The following ULK4 variants were observed in gnomAD, a reference collection of about 807,000 sequenced individuals.
ULK4 encodes the protein inactive serine/threonine-protein kinase ULK4.
In ULK4, 133 loss-of-function variants were observed where a neutral mutation model predicts 160.6. The observed-to-expected ratio is 0.83, with a 90% CI of 0.72 to 0.96. The LOEUF (loss-of-function observed/expected upper bound fraction) is 0.96, where lower values mean the gene tolerates loss of function less well. ULK4 is among the 40% of genes least tolerant of loss of function. The pLI is 0.00. For missense variants in ULK4, 1,580 were observed against 1,499.5 expected (o/e 1.05, Z -0.89); for synonymous variants, 534 against 539.8 (o/e 0.99, Z 0.15).
At chr3:41,729,319 ATCT>A (rs1186956437) in intron 22 of ULK4, among the ~76,000 whole-genome samples, 1 of 152,196 alleles carries the variant, frequency 6.6e-6, no homozygotes, top group Non-Finnish European at 1.5e-5. Flanking sequence ...TTGCTGAAGA[ATCT>A]CGCACTCCTC....
chr3:41,638,098 C>A (rs1419266096), intron 30 of ULK4, among the ~76,000 whole-genome samples: 1 of 151,956 alleles, frequency 6.6e-6, no homozygotes, highest in Admixed American at 6.6e-5. Context: ...AAAGATATAC[C>A]AATTTAAAAG....
intron 35 of ULK4, among the ~76,000 whole-genome samples, chr3:41,376,583 G>C (rs2081502832): frequency 6.7e-6 from 1 of 149,520 alleles, no homozygotes; most frequent in African/African-American, 2.5e-5. Context: ...ACCAATAACA[G>C]ACAAACAGAG....
chr3:41,517,703 T>C (rs1294647833), intron 32 of ULK4, among the ~76,000 whole-genome samples: 1 of 152,106 alleles, frequency 6.6e-6, no homozygotes, highest in Non-Finnish European at 1.5e-5. Context: ...GAAAGGGAGG[T>C]AATTCAGCCC....
At chr3:41,254,017 A>T (rs942788678) in intron 35 of ULK4, among the ~76,000 whole-genome samples, 7 of 152,198 alleles carry the variant, frequency 4.6e-5, no homozygotes, top group African/African-American at 1.7e-4. Flanking sequence ...ATACAACTGA[A>T]AAGGAAAACA....
intron 12 of ULK4, among the ~76,000 whole-genome samples, chr3:41,905,782 T>C (rs1425416170): frequency 2.0e-5 from 3 of 152,096 alleles, no homozygotes; most frequent in Non-Finnish European, 4.4e-5. Context: ...ACATAGAAAT[T>C]CACACCTACT....
intron 18 of ULK4, among the ~76,000 whole-genome samples, chr3:41,829,889 A>G (rs565615192): frequency 2.7e-3 from 404 of 150,260 alleles, no homozygotes; most frequent in African/African-American, 9.6e-3. Context: ...AAGACTTGGA[A>G]CCAACCCAGA....
intron 19 of ULK4, among the ~76,000 whole-genome samples, chr3:41,810,885 CATTTT>C (rs1159631828): frequency 1.3e-5 from 2 of 151,896 alleles, no homozygotes; most frequent in African/African-American, 4.8e-5. Context: ...TATTTTATTT[CATTTT>C]ATTTTATGTA....
In ULK4 at chr3:41,515,076, A is replaced by T. The variant is rs575046303; in HGVS notation, c.3226+50949T>A. 3.4e-4 allele frequency among the ~76,000 whole-genome samples: 51 copies of T among 151,904 alleles called. No homozygotes were observed. In the East Asian group the frequency reaches 7.2e-3, roughly 21 times the overall value. On this transcript the variant is annotated intron_variant, in intron 32 of 36. Coordinates refer to ENST00000301831, the MANE Select transcript of ULK4 (RefSeq NM_017886.4). ...TTTTGTCACCAGCCTGGCCAGCCTG[A>T]TGAAACCCTGTCCCTACTAAAAATA...
At chr3:41,291,862 G>A (rs2079572096) in intron 35 of ULK4, among the ~76,000 whole-genome samples, 2 of 142,258 alleles carry the variant, frequency 1.4e-5, no homozygotes, top group African/African-American at 5.3e-5. Flanking sequence ...ACGGAGTCTT[G>A]CTCTGTCACC....
intron 32 of ULK4, among the ~76,000 whole-genome samples, chr3:41,509,028 A>G (rs117166120): frequency 2.4e-3 from 360 of 152,272 alleles, no homozygotes; most frequent in East Asian, 0.013. Context: ...CTAATCAAGG[A>G]GGCATCAGAG....
intron 35 of ULK4, among the ~76,000 whole-genome samples, chr3:41,273,700 G>A (rs1244414079): frequency 6.6e-6 from 1 of 152,106 alleles, no homozygotes; most frequent in Admixed American, 6.5e-5. Context: ...GGGAGGTGGG[G>A]CCTAGTGGGA....
At chr3:41,733,753 T>TA (rs1553641545) in intron 22 of ULK4, among the ~76,000 whole-genome samples, 32 of 140,212 alleles carry the variant, frequency 2.3e-4, no homozygotes, top group Non-Finnish European at 3.7e-4. Context: ...TTTTTTTTTT[T>TA]AGACAGAGTC....
At chr3:41,826,677 C>T (rs1358284511) in intron 18 of ULK4, among the ~76,000 whole-genome samples, 1 of 149,598 alleles carries the variant, frequency 6.7e-6, no homozygotes, top group African/African-American at 2.5e-5. Context: ...TAGAGACCTA[C>T]AAAGAGACTT....
At chr3:41,724,606 C>T (rs1156909925) in intron 22 of ULK4, among the ~76,000 whole-genome samples, 2 of 151,990 alleles carry the variant, frequency 1.3e-5, no homozygotes, top group African/African-American at 2.4e-5. Context: ...GCCTGTAGTC[C>T]CAGCTACTCG....
intron 31 of ULK4, among the ~76,000 whole-genome samples, chr3:41,601,406 AG>A (rs1448508521): frequency 6.6e-6 from 1 of 152,192 alleles, no homozygotes; most frequent in African/African-American, 2.4e-5. Flanking sequence ...TAATTTATGT[AG>A]GTACTTTGCC....
Position 41,954,629 on chromosome 3 carries a change from G to C in ULK4, c.131C>G (p.Thr44Ser). The change falls in exon 2 of 37, where the codon ACC (threonine) becomes AGC (serine). Residue 44 changes from threonine to serine, a missense_variant. Transcript: ENST00000301831. ...GGAAATACACTGACTTACCCAGTTG[G>C]TTATTTCAGGCCTTTTGCACTTATC... ...CTDKCKRPEITNWVRLTREIK... is the reference protein window; with the variant it reads ...CTDKCKRPEISNWVRLTREIK... 7 of 1,612,554 alleles carry C rather than the reference G, an allele frequency of 4.3e-6. No homozygotes were observed. Among genetic ancestry groups the C allele is most frequent in the Non-Finnish European group, 5.9e-6 (7 of 1,179,450 alleles).
At chr3:41,376,033 A>G (rs533077870) in intron 35 of ULK4, among the ~76,000 whole-genome samples, 1 of 150,608 alleles carries the variant, frequency 6.6e-6, no homozygotes, top group African/African-American at 2.5e-5. Flanking sequence ...ATATAAAAAA[A>G]GCTCATCATC....
chr3:41,834,584 G>A (rs1019641357), intron 18 of ULK4, among the ~76,000 whole-genome samples: 2 of 152,192 alleles, frequency 1.3e-5, no homozygotes, highest in African/African-American at 4.8e-5. Context: ...TGCTGTACCA[G>A]CTATCAGTAC....
intron 1 of ULK4, among the ~76,000 whole-genome samples, chr3:41,956,326 G>T (rs897471180): frequency 6.6e-6 from 1 of 152,170 alleles, no homozygotes; most frequent in African/African-American, 2.4e-5. Context: ...AAAGCTCTAG[G>T]GGGTATTTGG....
Sources: gnomAD v4.1 joint callset for allele counts (sites outside exome capture counted in the v4.1 genomes callset) on GRCh38, gnomAD v4.1.1 for gene constraint, MANE v1.5 for transcripts, NCBI Gene and HGNC (gene_info 2026-07-23, HGNC 2026-07-21) for gene names.